Variants in HECTD2 observed in about 807,000 individuals in gnomAD.
HECTD2 encodes probable E3 ubiquitin-protein ligase HECTD2.
Under a neutral mutation model 103.2 loss-of-function variants are expected in HECTD2, and 35 were observed. That is an observed-to-expected ratio of 0.34 (90% CI 0.26 to 0.45). The LOEUF is 0.45. HECTD2 is among the 20% of genes least tolerant of loss of function. The pLI is 1.00. For synonymous variants in HECTD2, 281 were observed against 329.9 expected (o/e 0.85, Z 1.61); for missense variants, 596 against 937.4 (o/e 0.64, Z 4.76).
Position 91,410,479 on chromosome 10 carries a change from T to C in HECTD2, c.41T>C (p.Leu14Pro). 1 of 1,467,608 alleles carries C rather than the reference T, an allele frequency of 6.8e-7. No individual in the cohort carries two copies. Among genetic ancestry groups the C allele is most frequent in the Non-Finnish European group, 9.0e-7 (1 of 1,113,856 alleles). The allele number at this position is 1,467,608 out of a possible 1,614,324, so 90.9% of individuals were successfully genotyped here. The change falls in exon 1 of 21, where the codon CTG becomes CCG. Residue 14 changes from leucine to proline, a missense_variant. Leu to Pro is a moderately conservative substitution (Grantham distance 98, BLOSUM62 -3). Around this residue, in one of 4 missense-constraint regions of HECTD2, gnomAD observed 220 missense variants for 233.9 expected, o/e 0.94. Coordinates refer to ENST00000298068, the MANE Select transcript of HECTD2 (RefSeq NM_182765.6). ...AVRVPSPATP[L>P]VVAAPAPEER... is the part of the protein sequence containing the mutation. Reference sequence around the variant, plus strand: ...CGGGTACCCTCGCCCGCCACTCCGCTGGTGGTGGCGGCGCCCGCGCCTGAG... The same window carrying C: ...CGGGTACCCTCGCCCGCCACTCCGCCGGTGGTGGCGGCGCCCGCGCCTGAG...
At chr10:91,512,187 G>C (rs1033398125) in intron 20 of HECTD2, 77 bp from the exon 21 acceptor site, 2 of 1,450,558 alleles carry the variant, frequency 1.4e-6, no homozygotes, top group Non-Finnish European at 1.9e-6. Flanking sequence ...GTGTGTCCTG[G>C]TATTTTTTAA....
At chr10:91,511,303 G>A (rs1349119491) in intron 20 of HECTD2, among the ~76,000 whole-genome samples, 1 of 152,090 alleles carries the variant, frequency 6.6e-6, no homozygotes, top group African/African-American at 2.4e-5. Flanking sequence ...TGGGGGAGAT[G>A]ACACCAAAAG....
At chr10:91,482,900 A>G (rs1433610048) in intron 7 of HECTD2, 67 bp from the exon 8 acceptor site, 7 of 657,626 alleles carry the variant, frequency 1.1e-5, no homozygotes, top group Non-Finnish European at 1.8e-5. Context: ...GTACTTATTA[A>G]GCTTAGTGTC....
chr10:91,472,244 G>A (rs752958771), intron 5 of HECTD2, among the ~76,000 whole-genome samples: 7 of 152,104 alleles, frequency 4.6e-5, no homozygotes, highest in African/African-American at 7.2e-5. Flanking sequence ...GGGATAACTC[G>A]CTTGCTATAT....
intron 2 of HECTD2, among the ~76,000 whole-genome samples, chr10:91,429,988 T>C (rs1334465980): frequency 6.6e-6 from 1 of 152,212 alleles, no homozygotes; most frequent in Non-Finnish European, 1.5e-5. Flanking sequence ...CAATTTTGGA[T>C]CTTTCCTGCT....
intron 20 of HECTD2, 129 bp downstream of exon 20, chr10:91,501,463 C>G (rs1022594329): frequency 5.5e-6 from 3 of 550,242 alleles, no homozygotes; most frequent in Non-Finnish European, 9.1e-6. Context: ...TCAGAGTAAA[C>G]ATGGCCTTGA....
chr10:91,509,153 C>T (rs1589558379), intron 20 of HECTD2, among the ~76,000 whole-genome samples: 1 of 149,400 alleles, frequency 6.7e-6, no homozygotes, highest in Non-Finnish European at 1.5e-5. Context: ...AGGGATAGCA[C>T]TGGGAGATAT....
intron 5 of HECTD2, among the ~76,000 whole-genome samples, chr10:91,467,632 A>G (rs1040294635): frequency 6.7e-6 from 1 of 148,562 alleles, no homozygotes; most frequent in Admixed American, 6.7e-5. Context: ...ACACCAGCCT[A>G]CCTGCAACAT....
chr10:91,482,857 A>G (rs751767879), intron 7 of HECTD2, 110 bp from the exon 8 acceptor site: 14 of 488,808 alleles, frequency 2.9e-5, no homozygotes, highest in Non-Finnish European at 4.7e-5. Flanking sequence ...TTGTTATTTT[A>G]TAATCTCAAA....
chr10:91,502,865 A>C (rs1846960305), intron 20 of HECTD2, among the ~76,000 whole-genome samples: 1 of 152,212 alleles, frequency 6.6e-6, no homozygotes, highest in Non-Finnish European at 1.5e-5. Flanking sequence ...CATGGCTTCA[A>C]CATGAATCTA....
intron 2 of HECTD2, among the ~76,000 whole-genome samples, chr10:91,438,439 C>A (rs199653822): frequency 2.0e-5 from 3 of 152,276 alleles, no homozygotes; most frequent in East Asian, 1.9e-4. Flanking sequence ...GCATAGTATT[C>A]CATGGTGCAT....
intron 2 of HECTD2, among the ~76,000 whole-genome samples, chr10:91,430,530 C>T (rs948913583): frequency 3.9e-5 from 6 of 152,106 alleles, no homozygotes; most frequent in Non-Finnish European, 7.4e-5. Context: ...CTTTGTAGGT[C>T]ACTCAGGACT....
intron 2 of HECTD2, among the ~76,000 whole-genome samples, chr10:91,428,860 A>G (rs1331155788): frequency 1.3e-5 from 2 of 151,920 alleles, no homozygotes; most frequent in Non-Finnish European, 2.9e-5. Context: ...CTAATTGAAT[A>G]CCCTTTATGT....
chr10:91,500,638 A>T, intron 19 of HECTD2, 21 bp downstream of exon 19: 1 of 1,110,970 alleles, frequency 9.0e-7, no homozygotes, highest in Non-Finnish European at 1.4e-6. Flanking sequence ...TATACTTCTG[A>T]TAGTGGGGGA....
At chr10:91,445,648 G>A (rs1210390324) in intron 2 of HECTD2, among the ~76,000 whole-genome samples, 1 of 152,134 alleles carries the variant, frequency 6.6e-6, no homozygotes, top group African/African-American at 2.4e-5. Flanking sequence ...GATCAACGCA[G>A]AAGGCAGGTG....
chr10:91,439,820 A>G (rs374342601), intron 2 of HECTD2, among the ~76,000 whole-genome samples: 26 of 152,120 alleles, frequency 1.7e-4, no homozygotes, highest in African/African-American at 6.3e-4. Flanking sequence ...TTGTATTGCT[A>G]GGTATTTTAT....
chr10:91,411,355 T>TA (rs897524002), intron 1 of HECTD2, among the ~76,000 whole-genome samples: 27 of 151,636 alleles, frequency 1.8e-4, no homozygotes, highest in East Asian at 5.8e-4. Context: ...AAGCACAATT[T>TA]AAAAAAAAAC....
chr10:91,455,301 T>G (rs936712045), intron 2 of HECTD2, among the ~76,000 whole-genome samples: 25 of 152,314 alleles, frequency 1.6e-4, no homozygotes, highest in African/African-American at 4.8e-4. Context: ...TGGTTTTGAT[T>G]TGCATTTCTC....
rs1400247183 is a variant in HECTD2, at chr10:91,504,778, A to G, written c.2210+3444A>G. On this transcript the variant is annotated intron_variant, in intron 20 of 20. Coordinates refer to ENST00000298068, the MANE Select transcript of HECTD2 (RefSeq NM_182765.6). ...TTCAGATTCAGGAAATACAGAGAAC[A>G]CCACAAAGATACTCCTCGAGAAGAG... Among the ~76,000 whole-genome samples the G allele has an allele frequency of 3.4e-3, 483 of 143,904 alleles. 1 individual carries two copies. Among genetic ancestry groups the G allele is most frequent in the African/African-American group, 0.011 (426 of 37,270 alleles). The allele number at this position is 143,904 out of a possible 152,430, so 94.4% of individuals were successfully genotyped here.
Sources: allele counts gnomAD v4.1 joint callset (sites outside exome capture counted in the v4.1 genomes callset), GRCh38; gene constraint gnomAD v4.1.1; regional missense constraint gnomAD v4.1.1; transcripts MANE v1.5; gene names NCBI Gene and HGNC (gene_info 2026-07-23, HGNC 2026-07-21).